Variants in SLC25A13 observed in about 807,000 individuals in gnomAD.
SLC25A13 encodes the protein electrogenic aspartate/glutamate antiporter SLC25A13, mitochondrial.
Under a neutral mutation model 85.5 loss-of-function variants are expected in SLC25A13, and 70 were observed. That is an observed-to-expected ratio of 0.82 (90% CI 0.68 to 1.00). SLC25A13 has a LOEUF of 1.00. Among genes scored for constraint, SLC25A13 ranks in the 50% least tolerant of loss-of-function variants. The probability of loss-of-function intolerance (pLI) is 0.00; values close to 1 mark genes in which losing one functional copy is unlikely to be tolerated. For missense variants in SLC25A13, 765 were observed against 819.8 expected (o/e 0.93, Z 0.82); for synonymous variants, 259 against 288.7 (o/e 0.90, Z 1.04).
chr7:96,239,088 G>A (rs1282594305), intron 3 of SLC25A13, among the ~76,000 whole-genome samples: 1 of 137,238 alleles, frequency 7.3e-6, no homozygotes, highest in Non-Finnish European at 1.5e-5. Context: ...TATATACAAA[G>A]CCTTGTCTGG....
At chr7:96,186,878 T>C (rs1299261460) in intron 9 of SLC25A13, among the ~76,000 whole-genome samples, 2 of 152,224 alleles carry the variant, frequency 1.3e-5, no homozygotes, top group African/African-American at 4.8e-5. Context: ...GGTTTACATA[T>C]ATATGCATAT....
intron 4 of SLC25A13, among the ~76,000 whole-genome samples, chr7:96,232,144 C>T (rs539866862): frequency 2.0e-5 from 3 of 152,020 alleles, no homozygotes; most frequent in African/African-American, 4.8e-5. Flanking sequence ...ATATGTTCAC[C>T]GTAGCACTAT....
chr7:96,198,171 C>T (rs979801697), intron 5 of SLC25A13, among the ~76,000 whole-genome samples: 1 of 152,114 alleles, frequency 6.6e-6, no homozygotes, highest in African/African-American at 2.4e-5. Flanking sequence ...ATGACACTGC[C>T]ACCCGGGAGA....
intron 3 of SLC25A13, among the ~76,000 whole-genome samples, chr7:96,236,112 A>G (rs920621790): frequency 1.3e-5 from 2 of 152,246 alleles, no homozygotes; most frequent in East Asian, 3.9e-4. Flanking sequence ...AAGTGAACTT[A>G]GCTGTTTCCC....
intron 15 of SLC25A13, 31 bp downstream of exon 15, chr7:96,131,712 G>A (rs375858610): frequency 1.2e-6 from 2 of 1,613,198 alleles, no homozygotes; most frequent in Non-Finnish European, 1.7e-6. Context: ...AAGGGTCAGG[G>A]AAGTAAGAGA....
At chr7:96,288,652 C>T (rs1018938750) in intron 2 of SLC25A13, among the ~76,000 whole-genome samples, 1 of 152,172 alleles carries the variant, frequency 6.6e-6, no homozygotes, top group Non-Finnish European at 1.5e-5. Context: ...GGTCCCACGC[C>T]CACGGAGCCT....
At position 96,184,992 on chromosome 7, in the gene SLC25A13, G is replaced by A; in HGVS notation, c.953C>T (p.Ala318Val). 1 of 1,614,170 alleles carries A rather than the reference G, an allele frequency of 6.2e-7. No homozygotes were observed. Among genetic ancestry groups the A allele is most frequent in the Non-Finnish European group, 8.5e-7 (1 of 1,180,014 alleles). The change falls in exon 10 of 18, where the codon GCT becomes GTT. Residue 318 changes from alanine to valine, a missense_variant. Physicochemically the swap from Ala to Val is moderately conservative, Grantham distance 64 (BLOSUM62 0). Transcript: ENST00000265631. ...AQRQKASGDS[A>V]RPVLLQVAES... ...TGCAACTTGTAGAAGAACTGGTCGA[G>A]CTGAATCACCTGAGGCCTTCTGCTT...
At chr7:96,255,679 C>T (rs1797607356) in intron 3 of SLC25A13, among the ~76,000 whole-genome samples, 1 of 152,048 alleles carries the variant, frequency 6.6e-6, no homozygotes, top group East Asian at 1.9e-4. Flanking sequence ...AGGGCAAAAC[C>T]CTAACTCAAA....
chr7:96,308,605 C>T (rs1156240781), intron 1 of SLC25A13, among the ~76,000 whole-genome samples: 2 of 152,086 alleles, frequency 1.3e-5, no homozygotes, highest in Non-Finnish European at 2.9e-5. Flanking sequence ...TCAAAAAGTA[C>T]TAGAAAAACG....
At chr7:96,213,425 CAG>C (rs1429682811) in intron 4 of SLC25A13, among the ~76,000 whole-genome samples, 1 of 152,114 alleles carries the variant, frequency 6.6e-6, no homozygotes, top group Non-Finnish European at 1.5e-5. Context: ...GCTGAAAAAT[CAG>C]AAATGAAAAT....
intron 4 of SLC25A13, among the ~76,000 whole-genome samples, chr7:96,216,598 G>C (rs984010848): frequency 6.6e-6 from 1 of 152,146 alleles, no homozygotes; most frequent in African/African-American, 2.4e-5. Flanking sequence ...GTCCCTTGCA[G>C]GAACGTCGAC....
intron 1 of SLC25A13, among the ~76,000 whole-genome samples, chr7:96,300,686 C>G (rs1211289427): frequency 1.3e-5 from 2 of 152,172 alleles, no homozygotes; most frequent in African/African-American, 2.4e-5. Flanking sequence ...ACCCTACCCC[C>G]AACCCAGAGT....
At chr7:96,235,582 A>G (rs544295292) in intron 3 of SLC25A13, among the ~76,000 whole-genome samples, 1 of 152,276 alleles carries the variant, frequency 6.6e-6, no homozygotes, top group South Asian at 2.1e-4. Context: ...AATGAGTACA[A>G]CTTGGATATG....
chr7:96,313,422 C>T (rs949329650), intron 1 of SLC25A13, among the ~76,000 whole-genome samples: 28 of 152,290 alleles, frequency 1.8e-4, no homozygotes, highest in African/African-American at 6.5e-4. Context: ...CCGTGGAATA[C>T]CTTGCAGATA....
At position 96,120,292 on chromosome 7, in the gene SLC25A13, T is replaced by G; in HGVS notation, c.*899A>C. The stretch of plus-strand genomic sequence containing the variant: ...TGACCATTATGCAAGGCAACATGAA[T>G]TAAATACTTATGTCAGAACATATTT... On this transcript the variant is annotated 3_prime_UTR_variant, in exon 18 of 18. Coordinates refer to ENST00000265631, the MANE Select transcript of SLC25A13 (RefSeq NM_014251.3). 4.4e-6 allele frequency: 2 copies of G among 454,116 alleles called. No homozygotes were observed. Among genetic ancestry groups the G allele is most frequent in the Non-Finnish European group, 8.8e-6 (2 of 226,780 alleles). 28.1% of individuals were successfully genotyped at this position (454,116 alleles called of 1,614,324 possible).
chr7:96,203,860 G>A (rs1358408541), intron 5 of SLC25A13, among the ~76,000 whole-genome samples: 1 of 152,220 alleles, frequency 6.6e-6, no homozygotes, highest in Non-Finnish European at 1.5e-5. Context: ...AATGCTAGAT[G>A]TTTAGCAATG....
chr7:96,298,600 A>C (rs965756511), intron 1 of SLC25A13, among the ~76,000 whole-genome samples: 2 of 151,902 alleles, frequency 1.3e-5, no homozygotes, highest in Admixed American at 6.6e-5. Flanking sequence ...TGCCCGGCTA[A>C]TTTTTTATTT....
intron 2 of SLC25A13, among the ~76,000 whole-genome samples, chr7:96,289,420 C>A (rs187158804): frequency 6.6e-6 from 1 of 152,188 alleles, no homozygotes; most frequent in Non-Finnish European, 1.5e-5. Context: ...ATGACTTTCA[C>A]GAGTTGAGAG....
intron 3 of SLC25A13, among the ~76,000 whole-genome samples, chr7:96,256,751 A>T (rs1797652509): frequency 6.6e-6 from 1 of 152,192 alleles, no homozygotes; most frequent in Admixed American, 6.5e-5. Flanking sequence ...TCCACCCCAA[A>T]TCAAAAGAAT....
Sources: gnomAD v4.1 joint callset for allele counts (sites outside exome capture counted in the v4.1 genomes callset) on GRCh38, gnomAD v4.1.1 for gene constraint, MANE v1.5 for transcripts, NCBI Gene and HGNC (gene_info 2026-07-23, HGNC 2026-07-21) for gene names.